The following ITPK1 variants were observed in gnomAD, a reference collection of about 807,000 sequenced individuals.
ITPK1 encodes the protein inositol 1,3,4-trisphosphate 5/6-kinase.
Under a neutral mutation model 45.3 loss-of-function variants are expected in ITPK1, and 21 were observed. The ratio of observed to expected loss-of-function variants is 0.46; its 90% confidence interval spans 0.33 to 0.67. The LOEUF (loss-of-function observed/expected upper bound fraction) is 0.67. ITPK1 is among the 30% of genes least tolerant of loss of function. ITPK1 has a pLI of 0.02. For synonymous variants in ITPK1, 258 were observed against 253.6 expected (o/e 1.02, Z -0.16); for missense variants, 474 against 573.5 (o/e 0.83, Z 1.77).
intron 2 of ITPK1, among the ~76,000 whole-genome samples, chr14:93,085,080 G>A (rs908031796): frequency 4.6e-5 from 7 of 152,220 alleles, no homozygotes; most frequent in South Asian, 2.1e-4. Flanking sequence ...CTCCAGCCCC[G>A]TGTCACCCCT....
At chr14:93,044,350 C>G (rs55663734) in intron 3 of ITPK1, among the ~76,000 whole-genome samples, 52,861 of 151,962 alleles carry the variant, frequency 0.35, 10,238 homozygotes, top group Admixed American at 0.45. Context: ...CAACCCCCTC[C>G]GCAGAGATAG....
chr14:92,946,438 A>G lies in ITPK1; in HGVS notation c.794T>C (p.Leu265Pro). 6.2e-7 allele frequency: 1 copy of G among 1,612,986 alleles called. No homozygotes were observed. The highest frequency in any genetic ancestry group is 8.5e-7 in the Non-Finnish European group (1 of 1,179,926). The change falls in exon 10 of 11, where the codon CTC (leucine) becomes CCC (proline). Residue 265 changes from leucine to proline, a missense_variant. Leu to Pro is a moderately conservative substitution (Grantham distance 98). Around this residue, in one of 2 missense-constraint regions of ITPK1, gnomAD observed 367 missense variants for 480.6 expected, o/e 0.76. Coordinates refer to ENST00000267615, the MANE Select transcript of ITPK1 (RefSeq NM_014216.6). ...CAGTGCCTGCCGCAGGGCCCGGGAG[A>G]GCTCCCGGATGACCTCGTCGCTCGG... ...ERPSDEVIRELSRALRQALGV... is the reference protein window; with the variant it reads ...ERPSDEVIREPSRALRQALGV...
At chr14:92,987,728 T>C (rs1436537645) in intron 5 of ITPK1, among the ~76,000 whole-genome samples, 2 of 152,126 alleles carry the variant, frequency 1.3e-5, no homozygotes, top group Non-Finnish European at 2.9e-5. Context: ...GGGGGAACGC[T>C]ACAGCTGAGG....
chr14:93,017,778 CTG>C (rs1888260419), intron 3 of ITPK1, among the ~76,000 whole-genome samples: 1 of 152,254 alleles, frequency 6.6e-6, no homozygotes, highest in South Asian at 2.1e-4. Context: ...TCAAGGCTGA[CTG>C]TTTTAAAAAT....
chr14:93,078,267 A>C (rs1297831899), intron 2 of ITPK1, among the ~76,000 whole-genome samples: 1 of 152,046 alleles, frequency 6.6e-6, no homozygotes, highest in East Asian at 1.9e-4. Flanking sequence ...GTTTCATGGC[A>C]CAGCTGAGGC....
intron 4 of ITPK1, among the ~76,000 whole-genome samples, chr14:93,008,215 A>T (rs1887716402): frequency 6.6e-6 from 1 of 152,126 alleles, no homozygotes; most frequent in African/African-American, 2.4e-5. Context: ...CTGTTCTCCC[A>T]GGCCTCGGTG....
At chr14:93,006,687 G>T (rs545973187) in intron 4 of ITPK1, among the ~76,000 whole-genome samples, 1 of 128,752 alleles carries the variant, frequency 7.8e-6, no homozygotes, top group Non-Finnish European at 1.7e-5. Flanking sequence ...CAGGCTCTCT[G>T]GGGGGGAAAC....
At chr14:92,980,739 G>A (rs183237353) in intron 5 of ITPK1, among the ~76,000 whole-genome samples, 39 of 152,198 alleles carry the variant, frequency 2.6e-4, no homozygotes, top group East Asian at 2.5e-3. Context: ...GCAGTGGTGC[G>A]ATCTTGGTTC....
intron 4 of ITPK1, among the ~76,000 whole-genome samples, chr14:93,011,077 A>T (rs889202568): frequency 6.6e-6 from 1 of 152,262 alleles, no homozygotes; most frequent in Non-Finnish European, 1.5e-5. Flanking sequence ...TGTTTTTAAG[A>T]AGAAAAAGGA....
At chr14:92,954,458 G>A (rs1479536633) in intron 8 of ITPK1, among the ~76,000 whole-genome samples, 1 of 152,210 alleles carries the variant, frequency 6.6e-6, no homozygotes, top group African/African-American at 2.4e-5. Context: ...CTCCCAGCAT[G>A]TATCAGCAAG....
intron 2 of ITPK1, among the ~76,000 whole-genome samples, chr14:93,090,450 C>A (rs1189452866): frequency 1.3e-5 from 2 of 152,150 alleles, no homozygotes; most frequent in African/African-American, 4.8e-5. Flanking sequence ...GACCTGAATG[C>A]CTCCCGTGTG....
intron 3 of ITPK1, among the ~76,000 whole-genome samples, chr14:93,052,058 G>A (rs8013870): frequency 0.57 from 86,196 of 152,060 alleles, 24,543 homozygotes; most frequent in African/African-American, 0.64. Context: ...CCACGTGGTG[G>A]AAGGGGAATA....
intron 3 of ITPK1, among the ~76,000 whole-genome samples, chr14:93,051,467 C>T (rs1318608995): frequency 6.6e-6 from 1 of 152,062 alleles, no homozygotes; most frequent in African/African-American, 2.4e-5. Flanking sequence ...AATACAAAAA[C>T]CAGGCAGGCT....
chr14:92,976,347 G>C (rs763611954), intron 5 of ITPK1, among the ~76,000 whole-genome samples: 1 of 152,158 alleles, frequency 6.6e-6, no homozygotes, highest in Non-Finnish European at 1.5e-5. Flanking sequence ...ATGGACTCTG[G>C]AAGCAAGGCC....
At chr14:92,950,095 G>A (rs1887888220) in intron 9 of ITPK1, among the ~76,000 whole-genome samples, 1 of 152,244 alleles carries the variant, frequency 6.6e-6, no homozygotes, top group African/African-American at 2.4e-5. Context: ...CCGGACCCCA[G>A]GCAGTCCCGT....
At chr14:92,946,634 A>ACG in intron 9 of ITPK1, 141 bp from the exon 10 acceptor site, 1 of 836,678 alleles carries the variant, frequency 1.2e-6, no homozygotes, top group Non-Finnish European at 1.9e-6. Flanking sequence ...TGTGGTGAGC[A>ACG]CGGGGCGGCC....
chr14:93,093,220 C>T (rs1891934636), intron 2 of ITPK1, among the ~76,000 whole-genome samples: 1 of 152,222 alleles, frequency 6.6e-6, no homozygotes, highest in African/African-American at 2.4e-5. Flanking sequence ...ATGGACACGG[C>T]AGAAAGGACA....
At chr14:92,943,123 C>T (rs1887513430) in intron 10 of ITPK1, among the ~76,000 whole-genome samples, 2 of 152,266 alleles carry the variant, frequency 1.3e-5, no homozygotes, top group Non-Finnish European at 2.9e-5. Context: ...GGCCGGCAAG[C>T]GGCGCCTCCC....
At chr14:93,043,263 G>A (rs999064650) in intron 3 of ITPK1, among the ~76,000 whole-genome samples, 3 of 152,098 alleles carry the variant, frequency 2.0e-5, no homozygotes, top group Non-Finnish European at 2.9e-5. Context: ...CACAGCTAAG[G>A]AGATCGGATT....
Sources: allele counts gnomAD v4.1 joint callset (sites outside exome capture counted in the v4.1 genomes callset), GRCh38; gene constraint gnomAD v4.1.1; regional missense constraint gnomAD v4.1.1; transcripts MANE v1.5; gene names NCBI Gene and HGNC (gene_info 2026-07-23, HGNC 2026-07-21).